The following NCEH1 variants were observed in gnomAD, a reference collection of about 807,000 sequenced individuals.
The protein encoded by NCEH1 is 2-acetyl MAGE hydrolase.
NCEH1 carries 9 observed loss-of-function variants against 25.4 expected under a neutral mutation model. The ratio of observed to expected loss-of-function variants is 0.35; its 90% CI spans 0.21 to 0.62. NCEH1 has a LOEUF of 0.62. Among genes scored for constraint, NCEH1 ranks in the 20% least tolerant of loss-of-function variants. The probability of loss-of-function intolerance (pLI) is 0.72; values close to 1 mark genes in which losing one functional copy is unlikely to be tolerated. For synonymous variants in NCEH1, 200 were observed against 199.8 expected, an observed-to-expected ratio of 1.00 and a Z score of -0.01; for missense variants, 412 against 501.1, an observed-to-expected ratio of 0.82 and a Z score of 1.70.
intron 1 of NCEH1, among the ~76,000 whole-genome samples, chr3:172,691,271 C>T (rs1348763393): frequency 6.6e-6 from 1 of 152,184 alleles, no homozygotes; most frequent in Non-Finnish European, 1.5e-5. Flanking sequence ...CTATCCAACT[C>T]ATCCCTCAGA....
intron 1 of NCEH1, among the ~76,000 whole-genome samples, chr3:172,651,352 CATGA>C (rs1347577315): frequency 6.6e-6 from 1 of 152,240 alleles, no homozygotes; most frequent in East Asian, 1.9e-4. Flanking sequence ...ATGACAAACT[CATGA>C]ATATTACCTA....
chr3:172,655,276 C>G (rs1489626542), intron 1 of NCEH1, among the ~76,000 whole-genome samples: 1 of 152,132 alleles, frequency 6.6e-6, no homozygotes. Context: ...CATAACCATT[C>G]CAGGATCTAG....
intron 1 of NCEH1, among the ~76,000 whole-genome samples, chr3:172,699,133 G>C (rs6805635): frequency 0.022 from 3,279 of 152,314 alleles, 123 homozygotes; most frequent in African/African-American, 0.075. Flanking sequence ...AGGAAGGGCA[G>C]TGAGAGGGAA....
At chr3:172,673,866 G>C (rs73880227) in intron 1 of NCEH1, among the ~76,000 whole-genome samples, 1 of 152,260 alleles carries the variant, frequency 6.6e-6, no homozygotes, top group African/African-American at 2.4e-5. Flanking sequence ...TCAGGACGGC[G>C]ACAGTCAGGA....
rs1487126134 is a variant in NCEH1 at position 172,630,512 on chromosome 3, T to G, written c.*2963A>C. The stretch of plus-strand genomic sequence containing the variant: ...ATCAAGGAGGCCACTGAACCACCTC[T>G]CTAAAGGAAAGACAGCTGGAGTACT... On this transcript the variant is annotated 3_prime_UTR_variant, in exon 5 of 5. Coordinates refer to ENST00000475381, the MANE Select transcript of NCEH1 (RefSeq NM_020792.6). 2.0e-5 allele frequency: 3 copies of G among 152,180 alleles called. No homozygotes were observed. Among genetic ancestry groups the G allele is most frequent in the Non-Finnish European group, 4.4e-5 (3 of 68,056 alleles). The allele number at this position is 152,180 out of a possible 1,614,324, so 9.4% of individuals were successfully genotyped here.
rs768636257 is a variant in NCEH1 at position 172,633,181 on chromosome 3, C to T, written c.*294G>A. On this transcript the variant is annotated 3_prime_UTR_variant, in exon 5 of 5. Coordinates refer to ENST00000475381, the MANE Select transcript of NCEH1 (RefSeq NM_020792.6). Reference sequence around the variant, plus strand: ...TGAAGGCAGGACCCAAAGTTATTTCCAGTTCCTAGTCCTGCTTTCTGTAGC... The same window carrying T: ...TGAAGGCAGGACCCAAAGTTATTTCTAGTTCCTAGTCCTGCTTTCTGTAGC... 1 of 315,624 alleles carries T rather than the reference C, an allele frequency of 3.2e-6. No individual in the cohort carries two copies. The highest frequency in any genetic ancestry group is 5.9e-6 in the Non-Finnish European group (1 of 170,856). The allele number at this position is 315,624 out of a possible 1,614,324, so 19.6% of individuals were successfully genotyped here.
chr3:172,702,333 C>T (rs1239142108), intron 1 of NCEH1, among the ~76,000 whole-genome samples: 1 of 152,204 alleles, frequency 6.6e-6, no homozygotes, highest in Admixed American at 6.5e-5. Flanking sequence ...ACTATAGGCA[C>T]TCAACCTTGA....
intron 1 of NCEH1, among the ~76,000 whole-genome samples, chr3:172,651,012 T>TA (rs1282044151): frequency 2.6e-4 from 39 of 152,136 alleles, no homozygotes; most frequent in Admixed American, 2.1e-3. Flanking sequence ...TGAAAATTGA[T>TA]ATGAACAGTA....
At chr3:172,675,295 C>A (rs958603290) in intron 1 of NCEH1, among the ~76,000 whole-genome samples, 1 of 135,160 alleles carries the variant, frequency 7.4e-6, no homozygotes, top group African/African-American at 3.0e-5. Flanking sequence ...AGAGCAAGAT[C>A]CTGTCTCAAA....
At position 172,688,743 on chromosome 3, in the gene NCEH1, G is replaced by C. The variant is rs151184354; in HGVS notation, c.138+22104C>G. Reference sequence around the variant, plus strand: ...CAGGAAGTAGGCTATTTATAACAGTGTTACGATAGGTGTCCAGTACTGTGC... The same window carrying C: ...CAGGAAGTAGGCTATTTATAACAGTCTTACGATAGGTGTCCAGTACTGTGC... On this transcript the variant is annotated intron_variant, in intron 1 of 4. Transcript: ENST00000475381. Among the ~76,000 whole-genome samples the C allele has an allele frequency of 2.1e-3, 323 of 152,278 alleles. 3 individuals are homozygous for C. The highest frequency in any genetic ancestry group is 7.4e-3 in the African/African-American group (308 of 41,544).
Position 172,706,603 on chromosome 3 carries a change from A to G in NCEH1, c.138+4244T>C, listed in dbSNP as rs1425124124. Among the ~76,000 whole-genome samples the G allele has an allele frequency of 2.7e-5, 4 of 149,494 alleles. No individual in the cohort carries two copies. In the Admixed American group the frequency reaches 2.7e-4, roughly 10 times the overall value. On this transcript the variant is annotated intron_variant, in intron 1 of 4. Coordinates refer to ENST00000475381, the MANE Select transcript of NCEH1 (RefSeq NM_020792.6). ...AACCTCCACCTCCCTGGTTCAAGCG[A>G]TTCTTCTGCCTCAGCCTCCCAAGTA...
At chr3:172,639,964 G>A (rs1164603630) in intron 3 of NCEH1, among the ~76,000 whole-genome samples, 1 of 152,218 alleles carries the variant, frequency 6.6e-6, no homozygotes, top group Non-Finnish European at 1.5e-5. Flanking sequence ...GCTAGAAGTG[G>A]CAGAACTGGG....
chr3:172,707,837 C>A (rs1277601331), intron 1 of NCEH1, among the ~76,000 whole-genome samples: 1 of 152,220 alleles, frequency 6.6e-6, no homozygotes, highest in Admixed American at 6.5e-5. Context: ...CCGCCCGCCT[C>A]GGCCTCCCAA....
intron 3 of NCEH1, among the ~76,000 whole-genome samples, chr3:172,637,726 T>C (rs1480590130): frequency 6.6e-6 from 1 of 152,096 alleles, no homozygotes; most frequent in Non-Finnish European, 1.5e-5. Context: ...CCGTTTCTAC[T>C]AAAAATACAA....
chr3:172,654,944 AAT>A (rs776285827), intron 1 of NCEH1, among the ~76,000 whole-genome samples: 2 of 152,232 alleles, frequency 1.3e-5, no homozygotes, highest in African/African-American at 2.4e-5. Context: ...ATTTAATTAA[AAT>A]ATTAATGTTT....
chr3:172,634,077 T>C lies in NCEH1; in HGVS notation c.625A>G (p.Ser209Gly). The C allele has an allele frequency of 6.2e-7, 1 of 1,613,220 alleles. No individual in the cohort carries two copies. Among genetic ancestry groups the C allele is most frequent in the Non-Finnish European group, 8.5e-7 (1 of 1,179,654 alleles). The change falls in exon 5 of 5, where the codon AGC (serine) becomes GGC (glycine). Residue 209 changes from serine to glycine, a missense_variant. Around this residue, in one of 3 missense-constraint regions of NCEH1, gnomAD observed 210 missense variants for 258.2 expected, o/e 0.81. Coordinates refer to ENST00000475381, the MANE Select transcript of NCEH1 (RefSeq NM_020792.6). ...TGTAGTTTGAGCTTATTTTTTAGGC[T>C]GGCATCTTGAGTAAACTAGAGAAGA... ...ALGQQFTQDA[S>G]LKNKLKLQAL...
At chr3:172,642,267 A>G (rs557443137) in intron 3 of NCEH1, among the ~76,000 whole-genome samples, 1 of 151,906 alleles carries the variant, frequency 6.6e-6, no homozygotes, top group Non-Finnish European at 1.5e-5. Context: ...TTGATCTCCT[A>G]TGCTCAAGCA....
chr3:172,703,925 T>C (rs1260332689), intron 1 of NCEH1, among the ~76,000 whole-genome samples: 1 of 152,204 alleles, frequency 6.6e-6, no homozygotes, highest in Non-Finnish European at 1.5e-5. Flanking sequence ...TGCCTCCATA[T>C]GTTTAAAGAA....
chr3:172,678,795 C>T (rs1336197041), intron 1 of NCEH1, among the ~76,000 whole-genome samples: 1 of 152,236 alleles, frequency 6.6e-6, no homozygotes, highest in Non-Finnish European at 1.5e-5. Context: ...CCATCATCCA[C>T]ATAGTGAACA....
Sources: gnomAD v4.1 joint callset for allele counts (sites outside exome capture counted in the v4.1 genomes callset) on GRCh38, gnomAD v4.1.1 for gene constraint, gnomAD v4.1.1 regional missense constraint, MANE v1.5 for transcripts, NCBI Gene and HGNC (gene_info 2026-07-23, HGNC 2026-07-21) for gene names.